Variants in HAUS2 observed in about 807,000 individuals in gnomAD.
HAUS2 encodes HAUS augmin-like complex subunit 2.
In HAUS2, 20 loss-of-function variants were observed where a neutral mutation model predicts 21.6. That is an observed-to-expected ratio of 0.93 (90% CI 0.65 to 1.35). HAUS2 has a LOEUF of 1.35. Among genes scored for constraint, HAUS2 ranks in the 40% most tolerant of loss-of-function variants. The pLI, the probability that HAUS2 is intolerant of heterozygous loss-of-function variation, is 0.00. For synonymous variants in HAUS2, 113 were observed against 95.6 expected, an observed-to-expected ratio of 1.18 and a Z score of -1.06; for missense variants, 297 against 280.7, an observed-to-expected ratio of 1.06 and a Z score of -0.42.
rs150153842 is a variant in HAUS2 at position 42,558,214 on chromosome 15, C to T, written c.110C>T (p.Ser37Phe). The T allele has an allele frequency of 5.4e-4, 798 of 1,464,498 alleles. 3 individuals are homozygous for T. In the African/African-American group the frequency reaches 9.9e-3, roughly 18 times the overall value. The allele number at this position is 1,464,498 out of a possible 1,614,324, so 90.7% of individuals were successfully genotyped here. ...GMVNQEMLNM[S>F]KKTVSCFVNF... ...TACCAATAGGAGATGTTAAACATGT[C>T]TAAGAAAACAGTTTCTTGTTTTGTG... Residue 37 changes from serine to phenylalanine, a missense_variant, in exon 2 of 6, where the codon TCT (serine) becomes TTT (phenylalanine). By Grantham distance (155) the Ser-to-Phe change is radical. Transcript: ENST00000260372.
chr15:42,556,980 G>T (rs1410749775), intron 1 of HAUS2, among the ~76,000 whole-genome samples: 1 of 151,642 alleles, frequency 6.6e-6, no homozygotes, highest in Non-Finnish European at 1.5e-5. Context: ...AGAGGCAGAG[G>T]TTGCAGTGAG....
In HAUS2 at chr15:42,558,064, T is replaced by C. The variant is rs190879635; in HGVS notation, c.94-134T>C. The C allele has an allele frequency of 3.5e-5, 20 of 572,576 alleles. No homozygotes were observed. In the African/African-American group the frequency reaches 4.0e-4, roughly 11 times the overall value. 35.5% of individuals were successfully genotyped at this position (572,576 alleles called of 1,614,324 possible). ...CAGGAATTACACATTGCTACTATTT[T>C]ACTTTGTACTTCATGTTCAAAGGCA... is the stretch of plus-strand genomic sequence containing the variant. On this transcript the variant is annotated intron_variant, in intron 1 of 5. Coordinates refer to ENST00000260372, the MANE Select transcript of HAUS2 (RefSeq NM_018097.3).
Position 42,548,966 on chromosome 15 carries a change from G to T in HAUS2, c.93+1G>T. 2 of 1,535,922 alleles carry T rather than the reference G, an allele frequency of 1.3e-6. No homozygotes were observed. The highest frequency in any genetic ancestry group is 1.8e-6 in the Non-Finnish European group (2 of 1,131,870). On this transcript the variant is annotated splice_donor_variant, in intron 1 of 5. Coordinates refer to ENST00000260372, the MANE Select transcript of HAUS2 (RefSeq NM_018097.3). LOFTEE classifies it high-confidence loss of function. ...CATAGCTTCGGGGATGGTCAATCAGGTACGTGGGGGTGGCGGTGGTGTCAT... is the reference window on the plus strand; with the variant it reads ...CATAGCTTCGGGGATGGTCAATCAGTTACGTGGGGGTGGCGGTGGTGTCAT...
chr15:42,558,864 G>A (rs2057817990), intron 2 of HAUS2, among the ~76,000 whole-genome samples: 1 of 151,868 alleles, frequency 6.6e-6, no homozygotes. Context: ...AGGCTGAGCT[G>A]GGAGGATCAC....
At chr15:42,550,174 C>T (rs144970164) in intron 1 of HAUS2, among the ~76,000 whole-genome samples, 5 of 151,674 alleles carry the variant, frequency 3.3e-5, no homozygotes, top group East Asian at 3.9e-4. Context: ...CACATGGGTC[C>T]TGGAGGCTCA....
rs1243025508 is a variant in HAUS2, at chr15:42,563,976, AT to A, written c.498+123del. 1.4e-5 allele frequency: 9 copies of A among 649,606 alleles called. No individual in the cohort carries two copies. The African/African-American group carries it at 1.7e-4, about 12-fold the overall frequency. 40.2% of individuals were successfully genotyped at this position (649,606 alleles called of 1,614,324 possible). A position where few individuals can be genotyped will look rare whatever the true frequency, so the allele number is the denominator to read the frequency against. ...CTAGTTAATTTTTAAATCAAGAAGT[AT>A]TTTCTTGGCCTGGCATGGTAGTTCA... is the stretch of plus-strand genomic sequence containing the variant. On this transcript the variant is annotated intron_variant, in intron 5 of 5. Transcript: ENST00000260372.
chr15:42,554,697 G>A (rs769531715), intron 1 of HAUS2, among the ~76,000 whole-genome samples: 6 of 151,482 alleles, frequency 4.0e-5, no homozygotes, highest in Non-Finnish European at 7.4e-5. Flanking sequence ...CACCATGTTG[G>A]CCAGGCTGGT....
At position 42,558,267 on chromosome 15, in the gene HAUS2, A is replaced by G; in HGVS notation, c.163A>G (p.Asn55Asp). The G allele has an allele frequency of 2.1e-6, 3 of 1,453,004 alleles. No individual in the cohort carries two copies. Among genetic ancestry groups the G allele is most frequent in the South Asian group, 2.4e-5 (2 of 83,520 alleles). 90.0% of individuals were successfully genotyped at this position (1,453,004 alleles called of 1,614,324 possible). A position where few individuals can be genotyped will look rare whatever the true frequency, so the allele number is the denominator to read the frequency against. The change falls in exon 2 of 6, where the codon AAT (asparagine) becomes GAT (aspartate). Residue 55 changes from asparagine to aspartate, a missense_variant. Coordinates refer to ENST00000260372, the MANE Select transcript of HAUS2 (RefSeq NM_018097.3). ...CTTCACCAGACTACAGCAGATCACA[A>G]ATATTCAAGCTGAAATCTACCAGGT... ...VNFTRLQQIT[N>D]IQAEIYQKNL...
chr15:42,554,866 G>A (rs979801519), intron 1 of HAUS2, among the ~76,000 whole-genome samples: 1 of 151,572 alleles, frequency 6.6e-6, no homozygotes, highest in African/African-American at 2.4e-5. Context: ...TCACTCTGTT[G>A]CCCAGGCTGG....
intron 1 of HAUS2, among the ~76,000 whole-genome samples, chr15:42,557,335 TA>T: frequency 1.4e-5 from 1 of 73,228 alleles, no homozygotes; most frequent in Non-Finnish European, 2.5e-5. Flanking sequence ...ATATTATATA[TA>T]ATATATATTT....
At chr15:42,560,828 C>G (rs1223125930) in intron 3 of HAUS2, 1 of 702,034 alleles carries the variant, frequency 1.4e-6, no homozygotes, top group Non-Finnish European at 2.6e-6. Context: ...AACTCATGGC[C>G]TCAATTCTCC....
At chr15:42,558,040 A>G (rs1235640153) in intron 1 of HAUS2, among the ~76,000 whole-genome samples, 158 bp from the exon 2 acceptor site, 1 of 152,138 alleles carries the variant, frequency 6.6e-6, no homozygotes, top group African/African-American at 2.4e-5. Flanking sequence ...GTTCTAAAAC[A>G]GGAATTACAC....
At chr15:42,563,884 TTA>T in intron 5 of HAUS2, 27 bp downstream of exon 5, 1 of 1,047,760 alleles carries the variant, frequency 9.5e-7, no homozygotes. Flanking sequence ...CAATCTTCAG[TTA>T]TTTTTTACTA....
chr15:42,557,556 G>A (rs1595550818), intron 1 of HAUS2, among the ~76,000 whole-genome samples: 1 of 118,020 alleles, frequency 8.5e-6, no homozygotes, highest in African/African-American at 3.2e-5. Flanking sequence ...ATTCTAGAAA[G>A]CAAGATGATA....
intron 1 of HAUS2, among the ~76,000 whole-genome samples, chr15:42,556,374 C>T (rs1595549062): frequency 6.7e-6 from 1 of 149,284 alleles, no homozygotes; most frequent in African/African-American, 2.5e-5. Flanking sequence ...AGCAATTCTC[C>T]TGCCTCAGCC....
intron 1 of HAUS2, among the ~76,000 whole-genome samples, chr15:42,556,111 A>C (rs1026923335): frequency 2.8e-5 from 4 of 143,832 alleles, no homozygotes; most frequent in Non-Finnish European, 6.0e-5. Flanking sequence ...GCCTGCCACC[A>C]CGCCTGGCTA....
At position 42,548,868 on chromosome 15, in the gene HAUS2, G is replaced by C. The variant is rs747462059; in HGVS notation, c.-5G>C. The C allele has an allele frequency of 4.5e-6, 7 of 1,547,604 alleles. No individual in the cohort carries two copies. Among genetic ancestry groups the C allele is most frequent in the Non-Finnish European group, 6.1e-6 (7 of 1,145,386 alleles). On this transcript the variant is annotated 5_prime_UTR_variant, in exon 1 of 6. Transcript: ENST00000260372. Reference sequence around the variant, plus strand: ...TGGCGCCTTCGCGGAAGGTGCGTCCGAGCCATGGCCGCTGCCAACCCGTGG... The same window carrying C: ...TGGCGCCTTCGCGGAAGGTGCGTCCCAGCCATGGCCGCTGCCAACCCGTGG...
rs2057926907 is a variant in HAUS2, at chr15:42,568,350, G to GGT, written c.*1535_*1536insTG. The GGT allele has an allele frequency of 6.6e-6, 1 of 152,224 alleles. No homozygotes were observed. Among genetic ancestry groups the GGT allele is most frequent in the Non-Finnish European group, 1.5e-5 (1 of 68,070 alleles). The allele number at this position is 152,224 out of a possible 1,614,324, so 9.4% of individuals were successfully genotyped here. ...CAGCATCTAGTGAGGGTCTTGCCATGGCAGAAGGCACCACATGGCAAGTGA... is the reference window on the plus strand; with the variant it reads ...CAGCATCTAGTGAGGGTCTTGCCATGGTGCAGAAGGCACCACATGGCAAGTGA... On this transcript the variant is annotated 3_prime_UTR_variant, in exon 6 of 6. Coordinates refer to ENST00000260372, the MANE Select transcript of HAUS2 (RefSeq NM_018097.3).
intron 1 of HAUS2, among the ~76,000 whole-genome samples, chr15:42,549,472 A>G (rs184193328): frequency 2.0e-5 from 3 of 151,836 alleles, no homozygotes; most frequent in African/African-American, 7.2e-5. Flanking sequence ...TATGAGACAG[A>G]GTCTCGCTCT....
Sources: allele counts gnomAD v4.1 joint callset (sites outside exome capture counted in the v4.1 genomes callset), GRCh38; gene constraint gnomAD v4.1.1; transcripts MANE v1.5; gene names NCBI Gene and HGNC (gene_info 2026-07-23, HGNC 2026-07-21).